Variants in CDH13 observed in about 807,000 individuals in gnomAD.
CDH13 encodes the protein cadherin 13.
In CDH13, 24 loss-of-function variants were observed where a neutral mutation model predicts 63.8. The ratio of observed to expected loss-of-function variants is 0.38; its 90% CI spans 0.27 to 0.53. The LOEUF is 0.53. Ranked by LOEUF, CDH13 falls within the 20% of genes least tolerant of loss-of-function variation. The pLI is 0.85. For missense variants in CDH13, 1,049 were observed against 903.1 expected (o/e 1.16, Z -2.07); for synonymous variants, 503 against 355.3 (o/e 1.42, Z -4.67).
At chr16:82,957,475 T>C (rs1906290600) in intron 2 of CDH13, among the ~76,000 whole-genome samples, 1 of 152,186 alleles carries the variant, frequency 6.6e-6, no homozygotes, top group African/African-American at 2.4e-5. Context: ...AGGCCACTAG[T>C]ATGTTGGCAA....
In CDH13 at chr16:82,962,908, A is replaced by G. The variant is rs1284729951; in HGVS notation, c.158-69102A>G. 2.6e-5 allele frequency among the ~76,000 whole-genome samples: 4 copies of G among 152,210 alleles called. No individual in the cohort carries two copies. In the East Asian group the frequency reaches 7.7e-4, roughly 29 times the overall value. On this transcript the variant is annotated intron_variant, in intron 2 of 13. Transcript: ENST00000567109. ...AACCCAAGACACATATCTTTAAAAA[A>G]ATTAGATTAGGGAAATGATATATAA...
chr16:82,697,165 A>T (rs7189439), intron 1 of CDH13, among the ~76,000 whole-genome samples: 1 of 152,216 alleles, frequency 6.6e-6, no homozygotes, highest in African/African-American at 2.4e-5. Context: ...ATTAAACTCT[A>T]TGTCCTGAAG....
At chr16:82,744,847 G>A (rs868689292) in intron 1 of CDH13, among the ~76,000 whole-genome samples, 85 of 152,240 alleles carry the variant, frequency 5.6e-4, no homozygotes, top group African/African-American at 1.9e-3. Flanking sequence ...AAGGTGCAGA[G>A]CCTGTAAAAT....
At chr16:83,392,456 GA>G (rs2091806772) in intron 6 of CDH13, among the ~76,000 whole-genome samples, 2 of 152,184 alleles carry the variant, frequency 1.3e-5, no homozygotes, top group African/African-American at 4.8e-5. Context: ...ATGGATTTTA[GA>G]GAAATAATTA....
At chr16:82,819,242 A>G (rs544945326) in intron 1 of CDH13, among the ~76,000 whole-genome samples, 75 of 152,340 alleles carry the variant, frequency 4.9e-4, no homozygotes, top group African/African-American at 1.7e-3. Flanking sequence ...TTAATCGGAT[A>G]ACATATTTTA....
At chr16:82,635,393 C>T (rs902679440) in intron 1 of CDH13, among the ~76,000 whole-genome samples, 3 of 152,142 alleles carry the variant, frequency 2.0e-5, no homozygotes, top group Admixed American at 6.5e-5. Flanking sequence ...AGGAAGAAGG[C>T]ACAGTCTGGG....
At chr16:83,304,981 C>G (rs2151879932) in intron 5 of CDH13, among the ~76,000 whole-genome samples, 1 of 152,288 alleles carries the variant, frequency 6.6e-6, no homozygotes, top group Non-Finnish European at 1.5e-5. Flanking sequence ...TATTTAAGCT[C>G]CAAGTATGTG....
At chr16:82,761,145 T>C (rs2034836523) in intron 1 of CDH13, among the ~76,000 whole-genome samples, 1 of 144,708 alleles carries the variant, frequency 6.9e-6, no homozygotes, top group Non-Finnish European at 1.5e-5. Flanking sequence ...TGCCTCATCC[T>C]CCCAAGTAAC....
intron 6 of CDH13, among the ~76,000 whole-genome samples, chr16:83,447,931 T>C (rs1322498141): frequency 6.6e-6 from 1 of 151,992 alleles, no homozygotes; most frequent in Admixed American, 6.6e-5. Flanking sequence ...GCCCCACCTC[T>C]CTGGTCCCCA....
intron 6 of CDH13, among the ~76,000 whole-genome samples, chr16:83,362,172 G>T (rs1030935096): frequency 6.6e-6 from 1 of 152,166 alleles, no homozygotes; most frequent in Non-Finnish European, 1.5e-5. Context: ...TTCTTCCAAA[G>T]TGTCAGGCTT....
chr16:83,046,992 C>G (rs1260637776), intron 3 of CDH13, among the ~76,000 whole-genome samples: 1 of 152,216 alleles, frequency 6.6e-6, no homozygotes, highest in Non-Finnish European at 1.5e-5. Flanking sequence ...ATGGTTTCCT[C>G]AACTGTCTAT....
intron 1 of CDH13, among the ~76,000 whole-genome samples, chr16:82,676,486 C>CT (rs11330492): frequency 0.034 from 3,290 of 96,354 alleles, 156 homozygotes; most frequent in East Asian, 0.21. Flanking sequence ...ACCATCATTT[C>CT]TTTTTTTTTT....
chr16:82,927,763 T>C (rs9937544), intron 2 of CDH13, among the ~76,000 whole-genome samples: 398 of 152,324 alleles, frequency 2.6e-3, no homozygotes, highest in African/African-American at 9.1e-3. Flanking sequence ...TACTCACCGC[T>C]CAGTCCTCAG....
At chr16:82,893,440 T>G (rs2041149358) in intron 2 of CDH13, among the ~76,000 whole-genome samples, 1 of 152,224 alleles carries the variant, frequency 6.6e-6, no homozygotes, top group Non-Finnish European at 1.5e-5. Context: ...GGCCAACTAA[T>G]GGGTTTCTAA....
At chr16:82,707,122 C>A (rs746936793) in intron 1 of CDH13, among the ~76,000 whole-genome samples, 1 of 152,142 alleles carries the variant, frequency 6.6e-6, no homozygotes, top group Admixed American at 6.5e-5. Flanking sequence ...CTTCCTAAAG[C>A]GTAAAGTTGG....
At chr16:82,783,093 G>T (rs769737320) in intron 1 of CDH13, among the ~76,000 whole-genome samples, 13 of 152,198 alleles carry the variant, frequency 8.5e-5, no homozygotes, top group Admixed American at 2.6e-4. Context: ...GTGGCTCAAT[G>T]TGAGCAAACG....
intron 1 of CDH13, among the ~76,000 whole-genome samples, chr16:82,820,710 G>A (rs767303640): frequency 6.6e-6 from 1 of 152,202 alleles, no homozygotes; most frequent in Non-Finnish European, 1.5e-5. Context: ...TGATGTAAAT[G>A]TGAGACTCAC....
intron 4 of CDH13, among the ~76,000 whole-genome samples, chr16:83,156,304 T>C (rs2037204523): frequency 6.6e-6 from 1 of 152,240 alleles, no homozygotes; most frequent in African/African-American, 2.4e-5. Context: ...TGCGTATTAA[T>C]GGATTCTATC....
intron 2 of CDH13, among the ~76,000 whole-genome samples, chr16:82,881,647 T>C (rs2040706105): frequency 6.6e-6 from 1 of 152,128 alleles, no homozygotes; most frequent in Non-Finnish European, 1.5e-5. Flanking sequence ...ACAGGCACAT[T>C]ACAGAATTCA....
Sources: allele counts gnomAD v4.1 joint callset (sites outside exome capture counted in the v4.1 genomes callset), GRCh38; gene constraint gnomAD v4.1.1; transcripts MANE v1.5; gene names NCBI Gene and HGNC (gene_info 2026-07-23, HGNC 2026-07-21).